The following LRP1 variants were observed in gnomAD, a reference collection of about 807,000 sequenced individuals.
LRP1 encodes the protein prolow-density lipoprotein receptor-related protein 1.
LRP1 carries 51 observed loss-of-function variants against 541.5 expected under a neutral mutation model. The ratio of observed to expected loss-of-function variants is 0.09; its 90% confidence interval spans 0.08 to 0.12. LRP1 has a LOEUF of 0.12. Among genes scored for constraint, LRP1 ranks in the 10% least tolerant of loss-of-function variants. The pLI is 1.00. For synonymous variants in LRP1, 2,219 were observed against 2,470.8 expected, an observed-to-expected ratio of 0.90 and a Z score of 3.02; for missense variants, 3,878 against 6,376.2, an observed-to-expected ratio of 0.61 and a Z score of 13.34.
Position 57,195,330 on chromosome 12 carries a change from G to A in LRP1, c.8368G>A (p.Glu2790Lys), listed in dbSNP as rs749858946. 11 of 1,613,112 alleles carry A rather than the reference G, an allele frequency of 6.8e-6. No individual in the cohort carries two copies. The highest frequency in any genetic ancestry group is 2.2e-5 in the East Asian group (1 of 44,894). ...CCCTGGCACCCACGTGTGCGTCCCC[G>A]AGCGCTGGCTCTGTGACGGTGACAA... ...SCPGTHVCVP[E>K]RWLCDGDKDC... The change falls in exon 52 of 89, where the codon GAG becomes AAG. Residue 2790 changes from glutamate (E) to lysine (K), a missense_variant. Around this residue, in one of 13 missense-constraint regions of LRP1, gnomAD observed 1,100 missense variants for 1,827.4 expected, o/e 0.60. Coordinates refer to ENST00000243077, the MANE Select transcript of LRP1 (RefSeq NM_002332.3).
In LRP1 at chr12:57,177,926, G is replaced by A. The variant is rs1047432929; in HGVS notation, c.4361+335G>A. On this transcript the variant is annotated intron_variant, in intron 26 of 88. Coordinates refer to ENST00000243077, the MANE Select transcript of LRP1 (RefSeq NM_002332.3). The surrounding 1 kb of genome is among the most constrained non-coding windows in gnomAD (Gnocchi z 6.8). ...AACTTCTTTCTAATTGGTCTGCCCA[G>A]GGAGGGTGCCTTTTTCTTTTCTTTT... is the stretch of plus-strand genomic sequence containing the variant. Among the ~76,000 whole-genome samples, 2 of 151,508 alleles carry A rather than the reference G, an allele frequency of 1.3e-5. No individual in the cohort carries two copies. The highest frequency in any genetic ancestry group is 4.9e-5 in the African/African-American group (2 of 41,100).
rs141072400 is a variant in LRP1, at chr12:57,175,467, C to T, written c.3555C>T (p.Cys1185=). Residue 1185 remains cysteine, a synonymous_variant, in exon 23 of 89, where the codon TGC becomes TGT. Transcript: ENST00000243077. ...GSDEGELCDQ[C]SLNNGGCSHN... ...TGCCTGCCCCTCCCCTAGACCAGTGCTCTCTGAATAACGGTGGCTGCAGCC... is the reference window on the plus strand; with the variant it reads ...TGCCTGCCCCTCCCCTAGACCAGTGTTCTCTGAATAACGGTGGCTGCAGCC... 252 of 1,613,208 alleles carry T rather than the reference C, an allele frequency of 1.6e-4. No homozygotes were observed. The highest frequency in any genetic ancestry group is 2.0e-4 in the Non-Finnish European group (241 of 1,180,010).
intron 44 of LRP1, among the ~76,000 whole-genome samples, chr12:57,191,834 C>CAG (rs2036393064): frequency 3.7e-5 from 2 of 53,506 alleles, no homozygotes; most frequent in Non-Finnish European, 7.9e-5. Context: ...ACACCACACA[C>CAG]ATACCACACA....
chr12:57,184,271 C>G lies in LRP1; in HGVS notation c.6060-55C>G. 1 of 1,613,844 alleles carries G rather than the reference C, an allele frequency of 6.2e-7. No homozygotes were observed. Among genetic ancestry groups the G allele is most frequent in the Non-Finnish European group, 8.5e-7 (1 of 1,179,758 alleles). On this transcript the variant is annotated intron_variant, in intron 37 of 88. Coordinates refer to ENST00000243077, the MANE Select transcript of LRP1 (RefSeq NM_002332.3). The surrounding 1 kb of genome is among the most constrained non-coding windows in gnomAD (Gnocchi z 7.8). ...CTGCCCATGGCCCATGCTGATGAGG[C>G]CCTGTCTCCTCCAGGGTCTGAGGAC...
intron 3 of LRP1, among the ~76,000 whole-genome samples, chr12:57,142,213 G>A (rs1162774252): frequency 1.3e-5 from 2 of 152,230 alleles, no homozygotes; most frequent in Non-Finnish European, 2.9e-5. Flanking sequence ...TCGTGTCCGG[G>A]GAGGCAGAGC....
intron 44 of LRP1, among the ~76,000 whole-genome samples, chr12:57,192,371 C>A (rs4077658): frequency 0.32 from 48,577 of 152,050 alleles, 8,158 homozygotes; most frequent in African/African-American, 0.4. Flanking sequence ...CAGGGCTCAT[C>A]CATGCCCTCG....
chr12:57,210,214 T>G (rs767154397), intron 81 of LRP1, 45 bp downstream of exon 81: 5 of 1,554,644 alleles, frequency 3.2e-6, no homozygotes, highest in Non-Finnish European at 4.4e-6. Context: ...CAGGACCATC[T>G]CCTTCCTGTG....
rs1034856040 is a variant in LRP1, at chr12:57,185,315, G to A, written c.6463+110G>A. 6.8e-7 allele frequency: 1 copy of A among 1,480,730 alleles called. No homozygotes were observed. 91.7% of individuals were successfully genotyped at this position (1,480,730 alleles called of 1,614,324 possible). A position where few individuals can be genotyped will look rare whatever the true frequency, so the allele number is the denominator to read the frequency against. Reference sequence around the variant, plus strand: ...GGGCTGGGAGACAAGTTAGACCCATGGGGCAACTTCCGATGGCCCGAGAGA... The same window carrying A: ...GGGCTGGGAGACAAGTTAGACCCATAGGGCAACTTCCGATGGCCCGAGAGA... On this transcript the variant is annotated intron_variant, in intron 40 of 88. Coordinates refer to ENST00000243077, the MANE Select transcript of LRP1 (RefSeq NM_002332.3). This position sits in a 1 kb window ranked among gnomAD's most constrained non-coding sequence, Gnocchi z 4.9.
At chr12:57,142,261 T>C (rs1471640356) in intron 3 of LRP1, among the ~76,000 whole-genome samples, 1 of 152,186 alleles carries the variant, frequency 6.6e-6, no homozygotes, top group Non-Finnish European at 1.5e-5. Flanking sequence ...GCTTCTCCCT[T>C]CTCTTTTCTT....
intron 6 of LRP1, chr12:57,149,089 C>T: frequency 1.1e-5 from 6 of 528,652 alleles, no homozygotes; most frequent in Admixed American, 6.8e-5. Flanking sequence ...CTGGCTGCTG[C>T]TGCTGGAAGG....
At chr12:57,153,322 G>A (rs207472950) in intron 6 of LRP1, among the ~76,000 whole-genome samples, 8 of 152,048 alleles carry the variant, frequency 5.3e-5, no homozygotes, top group African/African-American at 1.9e-4. Context: ...GGCCACCCTT[G>A]CCCTGCCTCT....
In LRP1 at chr12:57,193,593, G is replaced by A. The variant is rs749868733; in HGVS notation, c.7712G>A (p.Arg2571Gln). ...TCCCGCCGCTGCAAGAAGACTTTCCGGCAGTGCAGCAATGGGCGCTGTGTG... is the reference window on the plus strand; with the variant it reads ...TCCCGCCGCTGCAAGAAGACTTTCCAGCAGTGCAGCAATGGGCGCTGTGTG... ...CNSRRCKKTF[R>Q]QCSNGRCVSN... Residue 2571 changes from arginine (R) to glutamine (Q), a missense_variant, in exon 47 of 89, where the codon CGG becomes CAG. Physicochemically the swap from Arg to Gln is conservative, Grantham distance 43. Coordinates refer to ENST00000243077, the MANE Select transcript of LRP1 (RefSeq NM_002332.3). The A allele has an allele frequency of 3.3e-5, 53 of 1,614,108 alleles. No individual in the cohort carries two copies. Among genetic ancestry groups the A allele is most frequent in the Non-Finnish European group, 4.2e-5 (49 of 1,180,024 alleles).
chr12:57,195,171 C>T (rs1178390654), intron 51 of LRP1, 70 bp downstream of exon 51: 2 of 1,592,838 alleles, frequency 1.3e-6, no homozygotes, highest in East Asian at 2.3e-5. Flanking sequence ...CTCCACCCCA[C>T]ACACAGACAC....
chr12:57,169,313 C>CA lies in LRP1; in HGVS notation c.3163+7dup. 3 of 1,597,380 alleles carry CA rather than the reference C, an allele frequency of 1.9e-6. No homozygotes were observed. Among genetic ancestry groups the CA allele is most frequent in the Non-Finnish European group, 2.6e-6 (3 of 1,167,236 alleles). ...CGCCAACTGCACCAACCAGGGTGGG[C>CA]ACCAGGGGCCCGTGGGGTGGGGATG... is the stretch of plus-strand genomic sequence containing the variant. On this transcript the variant is annotated splice_region_variant and intron_variant, in intron 20 of 88. Coordinates refer to ENST00000243077, the MANE Select transcript of LRP1 (RefSeq NM_002332.3).
rs748501558 is a variant in LRP1 at position 57,154,044 on chromosome 12, C to T, written c.842-164C>T. ...CAGTCAACCAGCCAGCCAGCATTTA[C>T]GCAAGCCCTCCTGTATATCCACTCT... On this transcript the variant is annotated intron_variant, in intron 6 of 88. Coordinates refer to ENST00000243077, the MANE Select transcript of LRP1 (RefSeq NM_002332.3). This position sits in a 1 kb window ranked among gnomAD's most constrained non-coding sequence, Gnocchi z 4.6. 5.9e-5 allele frequency among the ~76,000 whole-genome samples: 9 copies of T among 152,156 alleles called. No individual in the cohort carries two copies. The highest frequency in any genetic ancestry group is 1.2e-4 in the African/African-American group (5 of 41,428).
At position 57,149,689 on chromosome 12, in the gene LRP1, G is replaced by A. The variant is rs554709799; in HGVS notation, c.841+4199G>A. 1.2e-5 allele frequency: 9 copies of A among 735,454 alleles called. No homozygotes were observed. In the East Asian group the frequency reaches 2.3e-4, roughly 19 times the overall value. The allele number at this position is 735,454 out of a possible 1,614,324, so 45.6% of individuals were successfully genotyped here. A position where few individuals can be genotyped will look rare whatever the true frequency, so the allele number is the denominator to read the frequency against. On this transcript the variant is annotated intron_variant, in intron 6 of 88. Coordinates refer to ENST00000243077, the MANE Select transcript of LRP1 (RefSeq NM_002332.3). ...CAGGCTGGAATCACAGGCAGGAGCA[G>A]GAAGAGAGCCCAGGAGAACGAGGTG...
chr12:57,202,009 C>T (rs924113105), intron 67 of LRP1, 104 bp downstream of exon 67: 21 of 1,473,716 alleles, frequency 1.4e-5, no homozygotes, highest in African/African-American at 2.8e-5. Flanking sequence ...CCGGTCTCAG[C>T]GTGGCCCTGC....
intron 2 of LRP1, among the ~76,000 whole-genome samples, chr12:57,140,624 C>G (rs573652414): frequency 6.6e-6 from 1 of 152,312 alleles, no homozygotes; most frequent in Non-Finnish European, 1.5e-5. Flanking sequence ...GATTTGGCAC[C>G]ACTCTTGGCC....
rs113622269 is a variant in LRP1, at chr12:57,205,918, C to T, written c.11590+241C>T. The stretch of plus-strand genomic sequence containing the variant: ...TCTGAATTGCACACACACCTCCTCA[C>T]CCACCACTGCCAGGACGAGAGTACA... On this transcript the variant is annotated intron_variant, in intron 75 of 88. Coordinates refer to ENST00000243077, the MANE Select transcript of LRP1 (RefSeq NM_002332.3). This position sits in a 1 kb window ranked among gnomAD's most constrained non-coding sequence, Gnocchi z 4.6. The T allele has an allele frequency of 7.5e-5, 44 of 586,790 alleles. No homozygotes were observed. The highest frequency in any genetic ancestry group is 7.1e-4 in the African/African-American group (38 of 53,702). The allele number at this position is 586,790 out of a possible 1,614,324, so 36.3% of individuals were successfully genotyped here. A position where few individuals can be genotyped will look rare whatever the true frequency, so the allele number is the denominator to read the frequency against.
Sources: allele counts gnomAD v4.1 joint callset (sites outside exome capture counted in the v4.1 genomes callset), GRCh38; gene constraint gnomAD v4.1.1; regional missense constraint gnomAD v4.1.1; non-coding constraint Gnocchi (gnomAD v3.1); transcripts MANE v1.5; gene names NCBI Gene and HGNC (gene_info 2026-07-23, HGNC 2026-07-21).